Variants in ENTPD6 observed in about 807,000 individuals in gnomAD.
The protein encoded by ENTPD6 is ectonucleoside triphosphate diphosphohydrolase 6.
A neutral mutation model predicts 61.5 loss-of-function variants in ENTPD6; 46 were observed. That is an observed-to-expected ratio of 0.75 (90% confidence interval 0.59 to 0.96). The LOEUF (loss-of-function observed/expected upper bound fraction) is 0.96. Among genes scored for constraint, ENTPD6 ranks in the 40% least tolerant of loss-of-function variants. The pLI is 0.00. For synonymous variants in ENTPD6, 252 were observed against 255.5 expected (o/e 0.99, Z 0.13); for missense variants, 612 against 629.0 (o/e 0.97, Z 0.29).
intron 1 of ENTPD6, chr20:25,196,291 AGG>A: frequency 1.1e-6 from 1 of 950,196 alleles, no homozygotes; most frequent in Non-Finnish European, 1.3e-6. Flanking sequence ...TGAGGGTGTA[AGG>A]ACGATTCACC....
At position 25,225,577 on chromosome 20, in the gene ENTPD6, C is replaced by G. The variant is rs746317815; in HGVS notation, c.1435C>G (p.Gln479Glu). 6.8e-6 allele frequency: 11 copies of G among 1,613,990 alleles called. No individual in the cohort carries two copies. The highest frequency in any genetic ancestry group is 9.3e-6 in the Non-Finnish European group (11 of 1,179,902). ...TCATTACATCGACTCCCTGAACAGA[C>G]AGAAGAGTCCAGCCTCATAGTGGCC... The part of the protein sequence containing the change: ...IFHYIDSLNR[Q>E]KSPAS Residue 479 changes from glutamine to glutamate, a missense_variant, in exon 15 of 15, where the codon CAG (glutamine) becomes GAG (glutamate). By Grantham distance (29) the Gln-to-Glu change is conservative. Transcript: ENST00000376652.
At chr20:25,210,857 A>G (rs1290960794) in intron 4 of ENTPD6, among the ~76,000 whole-genome samples, 1 of 152,198 alleles carries the variant, frequency 6.6e-6, no homozygotes, top group African/African-American at 2.4e-5. Flanking sequence ...CAGGAGAATC[A>G]CTTGAACATG....
chr20:25,196,331 C>T, intron 1 of ENTPD6: 1 of 720,136 alleles, frequency 1.4e-6, no homozygotes, highest in Non-Finnish European at 1.7e-6. Flanking sequence ...TCCCGAGGAG[C>T]TCATAGGTGG....
chr20:25,211,873 A>T (rs555738793), intron 4 of ENTPD6, among the ~76,000 whole-genome samples: 2 of 152,292 alleles, frequency 1.3e-5, no homozygotes, highest in Non-Finnish European at 2.9e-5. Context: ...CAGTGGCACA[A>T]TCACAGCTCA....
chr20:25,195,736 G>A lies in ENTPD6; in HGVS notation c.-147G>A. 1 of 721,662 alleles carries A rather than the reference G, an allele frequency of 1.4e-6. No homozygotes were observed. The highest frequency in any genetic ancestry group is 1.9e-6 in the Non-Finnish European group (1 of 515,376). The allele number at this position is 721,662 out of a possible 1,614,324, so 44.7% of individuals were successfully genotyped here. On this transcript the variant is annotated 5_prime_UTR_variant, in exon 1 of 15. It adds an upstream start codon to the 5' untranslated region. Coordinates refer to ENST00000376652, the MANE Select transcript of ENTPD6 (RefSeq NM_001247.5). ...GGCGGAGCCCAGGCCCTAGGGAATC[G>A]TGGGGTCGTATCCCGCGGGTGGAGG... is the stretch of plus-strand genomic sequence containing the variant.
At chr20:25,213,905 A>G (rs2092146658) in intron 5 of ENTPD6, among the ~76,000 whole-genome samples, 1 of 152,210 alleles carries the variant, frequency 6.6e-6, no homozygotes, top group Non-Finnish European at 1.5e-5. Flanking sequence ...AACTGTGATT[A>G]TGCCACTGAA....
intron 4 of ENTPD6, among the ~76,000 whole-genome samples, 168 bp downstream of exon 4, chr20:25,210,093 G>A (rs970102210): frequency 6.6e-6 from 1 of 152,216 alleles, no homozygotes; most frequent in Non-Finnish European, 1.5e-5. Flanking sequence ...TGTGCAGCGC[G>A]CGAGCCCAGA....
chr20:25,205,828 GGACCTCAGGAA>G (rs2091447801), intron 1 of ENTPD6, among the ~76,000 whole-genome samples: 1 of 152,206 alleles, frequency 6.6e-6, no homozygotes, highest in Admixed American at 6.5e-5. Flanking sequence ...GCCACAGGCG[GGACCTCAGGAA>G]GGAGGGGCCA....
intron 11 of ENTPD6, 181 bp from the exon 12 acceptor site, chr20:25,222,657 G>A: frequency 2.9e-6 from 2 of 690,692 alleles, no homozygotes; most frequent in Non-Finnish European, 4.6e-6. Flanking sequence ...TGGCTCCTGA[G>A]GGCTGCTTTT....
chr20:25,223,164 G>A (rs1003209398), intron 12 of ENTPD6, among the ~76,000 whole-genome samples, 186 bp downstream of exon 12: 1 of 152,166 alleles, frequency 6.6e-6, no homozygotes, highest in African/African-American at 2.4e-5. Flanking sequence ...AGTTCTTTGA[G>A]CCCTTCAGTA....
intron 3 of ENTPD6, among the ~76,000 whole-genome samples, chr20:25,208,730 T>C (rs2091711300): frequency 6.6e-6 from 1 of 152,180 alleles, no homozygotes; most frequent in Non-Finnish European, 1.5e-5. Flanking sequence ...AATACCCTAA[T>C]CTTGAGAACC....
chr20:25,198,387 A>G (rs1339163187), intron 1 of ENTPD6, among the ~76,000 whole-genome samples: 2 of 151,870 alleles, frequency 1.3e-5, no homozygotes, highest in Non-Finnish European at 2.9e-5. Context: ...GAGGCAGGAG[A>G]ATTGCTTAAC....
At chr20:25,201,417 T>C (rs2091022005) in intron 1 of ENTPD6, among the ~76,000 whole-genome samples, 1 of 152,234 alleles carries the variant, frequency 6.6e-6, no homozygotes, top group Non-Finnish European at 1.5e-5. Context: ...TTTATCAGTG[T>C]CTGGTTCATA....
rs543412118 is a variant in ENTPD6 at position 25,227,591 on chromosome 20, A to G, written c.*1994A>G. Reference sequence around the variant, plus strand: ...AGCTACACGTGCACATCGTAAAAGAAGCAAACTAGGGTTGCTTGAAAATTC... The same window carrying G: ...AGCTACACGTGCACATCGTAAAAGAGGCAAACTAGGGTTGCTTGAAAATTC... On this transcript the variant is annotated 3_prime_UTR_variant, in exon 15 of 15. Coordinates refer to ENST00000376652, the MANE Select transcript of ENTPD6 (RefSeq NM_001247.5). Among the ~76,000 whole-genome samples the G allele has an allele frequency of 6.6e-6, 1 of 152,250 alleles. No individual in the cohort carries two copies. Among genetic ancestry groups the G allele is most frequent in the Non-Finnish European group, 1.5e-5 (1 of 68,048 alleles).
At chr20:25,197,417 C>A (rs1246538301) in intron 1 of ENTPD6, among the ~76,000 whole-genome samples, 5 of 152,182 alleles carry the variant, frequency 3.3e-5, no homozygotes, top group Non-Finnish European at 7.3e-5. Context: ...TCCCTCAGTC[C>A]CCACCCGCTA....
In ENTPD6 at chr20:25,217,004, C is replaced by T. The variant is rs115896416; in HGVS notation, c.798+268C>T. ...TGATAAATTAGGGAATAACTGGAAA[C>T]GTTTGGGCCAGAGGATATGAAGTGC... is the stretch of plus-strand genomic sequence containing the variant. On this transcript the variant is annotated intron_variant, in intron 8 of 14. Coordinates refer to ENST00000376652, the MANE Select transcript of ENTPD6 (RefSeq NM_001247.5). Among the ~76,000 whole-genome samples the T allele has an allele frequency of 4.3e-3, 659 of 152,242 alleles. 6 individuals are homozygous for T. Among genetic ancestry groups the T allele is most frequent in the African/African-American group, 0.014 (592 of 41,536 alleles).
chr20:25,195,863 G>T lies in ENTPD6; in HGVS notation c.-20G>T. 1.6e-6 allele frequency: 2 copies of T among 1,236,660 alleles called. No individual in the cohort carries two copies. Among genetic ancestry groups the T allele is most frequent in the East Asian group, 3.2e-5 (1 of 31,666 alleles). The allele number at this position is 1,236,660 out of a possible 1,614,324, so 76.6% of individuals were successfully genotyped here. A position where few individuals can be genotyped will look rare whatever the true frequency, so the allele number is the denominator to read the frequency against. On this transcript the variant is annotated 5_prime_UTR_variant, in exon 1 of 15. Coordinates refer to ENST00000376652, the MANE Select transcript of ENTPD6 (RefSeq NM_001247.5). ...CCGTGGGTGTGGCGGAGCGCGCGGT[G>T]CATGGTAAGCGGCGGGCCGGGGCGC...
At chr20:25,208,587 CTT>C (rs1172406934) in intron 3 of ENTPD6, among the ~76,000 whole-genome samples, 1 of 152,126 alleles carries the variant, frequency 6.6e-6, no homozygotes, top group Non-Finnish European at 1.5e-5. Context: ...AGAGAAAAGA[CTT>C]TGCAAAAAGT....
In ENTPD6 at chr20:25,215,696, A is replaced by G; in HGVS notation, c.694A>G (p.Ile232Val). The G allele has an allele frequency of 6.2e-7, 1 of 1,614,234 alleles. No homozygotes were observed. The highest frequency in any genetic ancestry group is 8.5e-7 in the Non-Finnish European group (1 of 1,180,040). ...TGCAGGCGTTTCGGCGTGGATCACCATCAACTTCCTGACAGGTGTGTGCAC... is the reference window on the plus strand; with the variant it reads ...TGCAGGCGTTTCGGCGTGGATCACCGTCAACTTCCTGACAGGTGTGTGCAC... ...TDEGVSAWIT[I>V]NFLTGSLKTP... Residue 232 changes from isoleucine (I) to valine (V), a missense_variant, in exon 7 of 15, where the codon ATC (isoleucine) becomes GTC (valine). Transcript: ENST00000376652.
Sources: allele counts gnomAD v4.1 joint callset (sites outside exome capture counted in the v4.1 genomes callset), GRCh38; gene constraint gnomAD v4.1.1; transcripts MANE v1.5; gene names NCBI Gene and HGNC (gene_info 2026-07-23, HGNC 2026-07-21).